Variants in ARHGAP5 observed in about 807,000 individuals in gnomAD.
ARHGAP5 encodes the protein Rho GTPase activating protein 5, also known as rho GTPase-activating protein 5.
In ARHGAP5, 23 loss-of-function variants were observed where a neutral mutation model predicts 116.6. The observed-to-expected ratio is 0.20, with a 90% CI of 0.14 to 0.28. The LOEUF (loss-of-function observed/expected upper bound fraction) is 0.28. ARHGAP5 is among the 10% of genes least tolerant of loss of function. The pLI, the probability that ARHGAP5 is intolerant of heterozygous loss-of-function variation, is 1.00. For missense variants in ARHGAP5, 1,405 were observed against 1,774.8 expected (o/e 0.79, Z 3.74); for synonymous variants, 574 against 602.0 (o/e 0.95, Z 0.68).
intron 2 of ARHGAP5, among the ~76,000 whole-genome samples, chr14:32,097,197 G>A (rs1878568086): frequency 6.6e-6 from 1 of 152,144 alleles, no homozygotes; most frequent in Non-Finnish European, 1.5e-5. Context: ...TTTGATTTCT[G>A]AAACATAGCT....
rs1266369599 is a variant in ARHGAP5, at chr14:32,091,704, T to C, written c.1035T>C (p.Ala345=). The C allele has an allele frequency of 1.2e-6, 2 of 1,610,876 alleles. No individual in the cohort carries two copies. Among genetic ancestry groups the C allele is most frequent in the African/African-American group, 2.7e-5 (2 of 74,554 alleles). ...AGTATATAAATACTTTACCAAGAGCTTTTAACACTCTTTTGCCAAATCTAG... is the reference window on the plus strand; with the variant it reads ...AGTATATAAATACTTTACCAAGAGCCTTTAACACTCTTTTGCCAAATCTAG... The part of the protein sequence containing the change: ...REEYINTLPR[A]FNTLLPNLEE... The change falls in exon 2 of 7, where the codon GCT becomes GCC. Residue 345 remains alanine, a synonymous_variant. Coordinates refer to ENST00000345122, the MANE Select transcript of ARHGAP5 (RefSeq NM_001030055.2).
chr14:32,154,096 G>T (rs185493214), intron 6 of ARHGAP5: 1 of 153,838 alleles, frequency 6.5e-6, no homozygotes, highest in African/African-American at 2.4e-5. Context: ...TGTTGTTTCT[G>T]TTGCCAGAAA....
intron 3 of ARHGAP5, among the ~76,000 whole-genome samples, chr14:32,125,503 G>A (rs527480368): frequency 4.5e-4 from 69 of 152,186 alleles, no homozygotes; most frequent in Non-Finnish European, 9.0e-4. Context: ...CCTAGGAGTA[G>A]AATACTGGAT....
Position 32,150,013 on chromosome 14 carries a change from C to T in ARHGAP5, c.4055C>T (p.Pro1352Leu). Residue 1352 changes from proline (P) to leucine (L), a missense_variant, in exon 5 of 7, where the codon CCA (proline) becomes CTA (leucine). By Grantham distance (98) the Pro-to-Leu change is moderately conservative (BLOSUM62 -3). Around this residue, in one of 6 missense-constraint regions of ARHGAP5, gnomAD observed 176 missense variants for 221.2 expected, o/e 0.80. Coordinates refer to ENST00000345122, the MANE Select transcript of ARHGAP5 (RefSeq NM_001030055.2). ...CCTTTAATTCCATATTCTCTTCATC[C>T]AGAACTATTGGAAGCAGCAAGTAAG... ...PDPLIPYSLH[P>L]ELLEAAKIPD... 2 of 1,600,998 alleles carry T rather than the reference C, an allele frequency of 1.2e-6. No individual in the cohort carries two copies. Among genetic ancestry groups the T allele is most frequent in the Non-Finnish European group, 1.7e-6 (2 of 1,174,736 alleles).
chr14:32,139,224 G>T (rs1880970042), intron 3 of ARHGAP5, among the ~76,000 whole-genome samples: 1 of 152,066 alleles, frequency 6.6e-6, no homozygotes, highest in Non-Finnish European at 1.5e-5. Context: ...GGGCATTAGG[G>T]TAATCACAGC....
intron 1 of ARHGAP5, among the ~76,000 whole-genome samples, chr14:32,083,025 A>G (rs1190767863): frequency 6.6e-6 from 1 of 152,258 alleles, no homozygotes; most frequent in Non-Finnish European, 1.5e-5. Flanking sequence ...TTATATGTTC[A>G]AAACAGTATT....
At chr14:32,127,004 T>C (rs1218100677) in intron 3 of ARHGAP5, among the ~76,000 whole-genome samples, 1 of 150,390 alleles carries the variant, frequency 6.6e-6, no homozygotes, top group East Asian at 1.9e-4. Context: ...ATATCTTTTT[T>C]TTTTTTTTTT....
chr14:32,128,452 A>C (rs1880306107), intron 3 of ARHGAP5, among the ~76,000 whole-genome samples: 1 of 152,264 alleles, frequency 6.6e-6, no homozygotes, highest in African/African-American at 2.4e-5. Flanking sequence ...TGTCACCATG[A>C]GACCCTGAGA....
At position 32,084,638 on chromosome 14, in the gene ARHGAP5, C is replaced by T. The variant is rs536710521; in HGVS notation, c.-168-5864C>T. ...ATGCTTCTACGTTATTTAGTCACCA[C>T]GTAAATTGTTCAAATTTTTAATAGG... On this transcript the variant is annotated intron_variant, in intron 1 of 6. Coordinates refer to ENST00000345122, the MANE Select transcript of ARHGAP5 (RefSeq NM_001030055.2). Among the ~76,000 whole-genome samples the T allele has an allele frequency of 1.8e-4, 27 of 152,256 alleles. No homozygotes were observed. The South Asian group carries it at 2.7e-3, about 15-fold the overall frequency.
intron 1 of ARHGAP5, among the ~76,000 whole-genome samples, chr14:32,083,263 G>T (rs1164058246): frequency 6.6e-6 from 1 of 152,210 alleles, no homozygotes; most frequent in Non-Finnish European, 1.5e-5. Flanking sequence ...TGGTTGGGGG[G>T]CAAATTAAAA....
Position 32,091,946 on chromosome 14 carries a change from G to C in ARHGAP5, c.1277G>C (p.Arg426Thr). Residue 426 changes from arginine to threonine, a missense_variant, in exon 2 of 7, where the codon AGG becomes ACG. Transcript: ENST00000345122. ...NHVQHLISEK[R>T]RVEMKEKFKK... ...GTACAGCATCTGATATCCGAGAAGA[G>C]GAGGGTGGAAATGAAGGAAAAATTC... The C allele has an allele frequency of 1.2e-6, 2 of 1,613,636 alleles. No homozygotes were observed. Among genetic ancestry groups the C allele is most frequent in the Non-Finnish European group, 1.7e-6 (2 of 1,179,670 alleles).
intron 2 of ARHGAP5, among the ~76,000 whole-genome samples, chr14:32,105,656 T>C (rs1461460913): frequency 1.3e-5 from 2 of 152,204 alleles, no homozygotes; most frequent in African/African-American, 4.8e-5. Flanking sequence ...GTGTATATTT[T>C]GTTCTTTGCA....
intron 2 of ARHGAP5, among the ~76,000 whole-genome samples, chr14:32,099,269 T>C (rs79514509): frequency 0.025 from 3,787 of 152,300 alleles, 59 homozygotes; most frequent in Non-Finnish European, 0.037. Flanking sequence ...ACTTTGGTTT[T>C]ATAGTTCAAG....
chr14:32,128,246 C>T (rs1880288534), intron 3 of ARHGAP5, among the ~76,000 whole-genome samples: 1 of 151,070 alleles, frequency 6.6e-6, no homozygotes, highest in Non-Finnish European at 1.5e-5. Context: ...CGATGGGTGG[C>T]CAGGCAGACG....
At chr14:32,103,743 G>A (rs990331806) in intron 2 of ARHGAP5, among the ~76,000 whole-genome samples, 17 of 152,106 alleles carry the variant, frequency 1.1e-4, no homozygotes, top group African/African-American at 3.9e-4. Context: ...GCTCTGTAAT[G>A]TTTTCCTGTC....
At chr14:32,079,379 C>T (rs2041749068) in intron 1 of ARHGAP5, among the ~76,000 whole-genome samples, 1 of 151,826 alleles carries the variant, frequency 6.6e-6, no homozygotes, top group South Asian at 2.1e-4. Flanking sequence ...TTGTAGTGTC[C>T]CTCCCCATTT....
Position 32,104,275 on chromosome 14 carries a change from G to A in ARHGAP5, c.3717+9889G>A, listed in dbSNP as rs1878911535. Reference sequence around the variant, plus strand: ...TTTATTTTTTGTTAAGTTGTTAATGGCATTAATAAAATATCTGCCACATAT... The same window carrying A: ...TTTATTTTTTGTTAAGTTGTTAATGACATTAATAAAATATCTGCCACATAT... On this transcript the variant is annotated intron_variant, in intron 2 of 6. Coordinates refer to ENST00000345122, the MANE Select transcript of ARHGAP5 (RefSeq NM_001030055.2). Among the ~76,000 whole-genome samples the A allele has an allele frequency of 2.0e-5, 3 of 152,072 alleles. No homozygotes were observed. The South Asian group carries it at 6.2e-4, about 32-fold the overall frequency.
intron 2 of ARHGAP5, among the ~76,000 whole-genome samples, chr14:32,116,600 GTAAA>G (rs1879611531): frequency 6.6e-6 from 1 of 151,694 alleles, no homozygotes; most frequent in South Asian, 2.1e-4. Flanking sequence ...CTCAAAATAA[GTAAA>G]TAAATAAAAT....
chr14:32,103,189 C>T (rs377363989), intron 2 of ARHGAP5, among the ~76,000 whole-genome samples: 1 of 152,196 alleles, frequency 6.6e-6, no homozygotes, highest in East Asian at 1.9e-4. Flanking sequence ...CTGGCTACAC[C>T]AATTTATGAT....
Sources: gnomAD v4.1 joint callset for allele counts (sites outside exome capture counted in the v4.1 genomes callset) on GRCh38, gnomAD v4.1.1 for gene constraint, gnomAD v4.1.1 regional missense constraint, MANE v1.5 for transcripts, NCBI Gene and HGNC (gene_info 2026-07-23, HGNC 2026-07-21) for gene names.